BIVM: variants seen among roughly 807,000 people sequenced by gnomAD.
BIVM encodes the protein basic, immunoglobulin-like variable motif containing.
A neutral mutation model predicts 61.4 loss-of-function variants in BIVM; 31 were observed. The ratio of observed to expected loss-of-function variants is 0.51; its 90% CI spans 0.38 to 0.68. The LOEUF (loss-of-function observed/expected upper bound fraction) is 0.68. Among genes scored for constraint, BIVM ranks in the 30% least tolerant of loss-of-function variants. The probability of loss-of-function intolerance (pLI) is 0.00; values close to 1 mark genes in which losing one functional copy is unlikely to be tolerated. For missense variants in BIVM, 526 were observed against 596.0 expected (o/e 0.88, Z 1.22); for synonymous variants, 189 against 210.7 (o/e 0.90, Z 0.89).
intron 7 of BIVM, among the ~76,000 whole-genome samples, chr13:102,830,154 C>G (rs1428496488): frequency 1.3e-5 from 2 of 152,150 alleles, no homozygotes; most frequent in Non-Finnish European, 2.9e-5. Context: ...GCTCTTTCTC[C>G]TTTGAATTCT....
intron 3 of BIVM, among the ~76,000 whole-genome samples, chr13:102,812,355 A>G (rs1879556943): frequency 1.3e-5 from 2 of 152,128 alleles, no homozygotes; most frequent in African/African-American, 4.8e-5. Flanking sequence ...TGGTCTTTCC[A>G]GGATGGTTTC....
intron 8 of BIVM, among the ~76,000 whole-genome samples, chr13:102,833,328 T>G (rs958309535): frequency 6.4e-5 from 2 of 31,230 alleles, no homozygotes; most frequent in Non-Finnish European, 7.9e-5. Flanking sequence ...ATAGGATGGG[T>G]TTTTTTTTTT....
chr13:102,825,340 C>T (rs1273631245), intron 7 of BIVM, among the ~76,000 whole-genome samples: 1 of 152,092 alleles, frequency 6.6e-6, no homozygotes, highest in South Asian at 2.1e-4. Flanking sequence ...TTAAGTGATC[C>T]TCCTACCTCG....
intron 10 of BIVM, 54 bp from the exon 11 acceptor site, chr13:102,839,518 T>C: frequency 6.3e-7 from 1 of 1,591,878 alleles, no homozygotes; most frequent in South Asian, 1.1e-5. Flanking sequence ...GACCTACAAA[T>C]TAGTACAATT....
intron 6 of BIVM, 82 bp downstream of exon 6, chr13:102,821,929 C>T (rs1361484327): frequency 5.8e-6 from 9 of 1,542,392 alleles, no homozygotes; most frequent in South Asian, 1.2e-5. Flanking sequence ...GATAGTAAAC[C>T]ATGTATCCAG....
chr13:102,816,403 CT>C, intron 3 of BIVM, 24 bp from the exon 4 acceptor site: 1 of 1,518,082 alleles, frequency 6.6e-7, no homozygotes. Flanking sequence ...AAGCATTTTG[CT>C]TATTTTATAC....
At position 102,807,499 on chromosome 13, in the gene BIVM, C is replaced by A. The variant is rs1187440345; in HGVS notation, c.232C>A (p.Gln78Lys). The A allele has an allele frequency of 1.2e-6, 2 of 1,614,204 alleles. No individual in the cohort carries two copies. The change falls in exon 3 of 11, where the codon CAG (glutamine) becomes AAG (lysine). Residue 78 changes from glutamine (Q) to lysine (K), a missense_variant. Around this residue, in one of 3 missense-constraint regions of BIVM, gnomAD observed 312 missense variants for 343.8 expected, o/e 0.91. Transcript: ENST00000257336. This position sits in a 1 kb window ranked among gnomAD's most constrained non-coding sequence, Gnocchi z 4.0. The stretch of plus-strand genomic sequence containing the variant: ...CTGTTCGGACTATGCCTTTCTCAAC[C>A]AGGCGACCTCAATCTATAAAACTCC... ...AICSDYAFLNQATSIYKTPNP... is the reference protein window; with the variant it reads ...AICSDYAFLNKATSIYKTPNP...
At chr13:102,829,357 T>C (rs1445425382) in intron 7 of BIVM, among the ~76,000 whole-genome samples, 1 of 152,168 alleles carries the variant, frequency 6.6e-6, no homozygotes, top group Non-Finnish European at 1.5e-5. Context: ...TTTTTCTCCT[T>C]TCTCTATGCC....
At chr13:102,816,654 A>T in intron 4 of BIVM, 100 bp downstream of exon 4, 1 of 1,066,096 alleles carries the variant, frequency 9.4e-7, no homozygotes, top group South Asian at 3.3e-5. Context: ...TGTATCATAA[A>T]TATTTTTATT....
intron 7 of BIVM, among the ~76,000 whole-genome samples, chr13:102,827,846 T>A (rs1880782950): frequency 6.6e-6 from 1 of 152,204 alleles, no homozygotes; most frequent in African/African-American, 2.4e-5. Flanking sequence ...GTGGTTCATG[T>A]GTAAAGCAGA....
At chr13:102,819,197 G>C (rs1244134600) in intron 4 of BIVM, among the ~76,000 whole-genome samples, 1 of 152,146 alleles carries the variant, frequency 6.6e-6, no homozygotes, top group African/African-American at 2.4e-5. Flanking sequence ...TTAGTAAATT[G>C]CTCATGTTTC....
At chr13:102,806,766 C>T (rs186610743) in intron 2 of BIVM, among the ~76,000 whole-genome samples, 9 of 151,886 alleles carry the variant, frequency 5.9e-5, no homozygotes, top group East Asian at 2.0e-4. Context: ...CAAAATTAGC[C>T]GGGCGTGGTG....
chr13:102,805,011 T>C (rs774033204), intron 1 of BIVM, among the ~76,000 whole-genome samples: 1 of 152,246 alleles, frequency 6.6e-6, no homozygotes, highest in Non-Finnish European at 1.5e-5. Context: ...GTTTTGATAC[T>C]ATTTTTGGTA....
In BIVM at chr13:102,822,057, A is replaced by C. The variant is rs1406289952; in HGVS notation, c.807-8A>C. The C allele has an allele frequency of 1.9e-6, 3 of 1,612,542 alleles. No individual in the cohort carries two copies. The highest frequency in any genetic ancestry group is 2.5e-6 in the Non-Finnish European group (3 of 1,179,518). ...GTTGCCATGAACAAATCTTCTTGTT[A>C]CTTTCAGGTGGTTTAGACAAATTAA... On this transcript the variant is annotated splice_region_variant and splice_polypyrimidine_tract_variant and intron_variant, in intron 6 of 10. Coordinates refer to ENST00000257336, the MANE Select transcript of BIVM (RefSeq NM_017693.4).
chr13:102,836,063 A>C (rs1278358416), intron 9 of BIVM, among the ~76,000 whole-genome samples: 2 of 152,212 alleles, frequency 1.3e-5, no homozygotes, highest in Admixed American at 1.3e-4. Context: ...GACACCTAGG[A>C]CTAGAATTGC....
chr13:102,822,665 A>G (rs1880377793), intron 7 of BIVM, among the ~76,000 whole-genome samples: 1 of 152,268 alleles, frequency 6.6e-6, no homozygotes, highest in African/African-American at 2.4e-5. Flanking sequence ...AGAAATATTA[A>G]TGGAGTTGAT....
chr13:102,801,826 C>T (rs984832659), intron 1 of BIVM: 9 of 152,208 alleles, frequency 5.9e-5, no homozygotes, highest in African/African-American at 1.7e-4. Flanking sequence ...GAGTCTGTAC[C>T]GGGTCACCTG....
In BIVM at chr13:102,839,707, G is replaced by A. The variant is rs564024597; in HGVS notation, c.1354G>A (p.Glu452Lys). 5.6e-6 allele frequency: 9 copies of A among 1,614,188 alleles called. No individual in the cohort carries two copies. In the Admixed American group the frequency reaches 6.7e-5, roughly 12 times the overall value. ...PTHAQGIAKS[E>K]SEDNISKKQH... is the part of the protein sequence containing the mutation. ...ACATGCCCAGGGAATTGCCAAATCT[G>A]AGAGTGAAGACAATATTTCCAAGAA... Residue 452 changes from glutamate to lysine, a missense_variant, in exon 11 of 11, where the codon GAG becomes AAG. Glu to Lys is a moderately conservative substitution (Grantham distance 56). Transcript: ENST00000257336.
At position 102,818,266 on chromosome 13, in the gene BIVM, A is replaced by T. The variant is rs1346310933; in HGVS notation, c.605+1712A>T. Among the ~76,000 whole-genome samples, 4 of 152,138 alleles carry T rather than the reference A, an allele frequency of 2.6e-5. No individual in the cohort carries two copies. The East Asian group carries it at 7.7e-4, about 29-fold the overall frequency. ...GTGTCACATGGCTAATAAGTAGAAG[A>T]TCTTGTATTGAAGCTGAAGAGTCAG... On this transcript the variant is annotated intron_variant, in intron 4 of 10. Transcript: ENST00000257336.
Sources: allele counts gnomAD v4.1 joint callset (sites outside exome capture counted in the v4.1 genomes callset), GRCh38; gene constraint gnomAD v4.1.1; regional missense constraint gnomAD v4.1.1; non-coding constraint Gnocchi (gnomAD v3.1); transcripts MANE v1.5; gene names NCBI Gene and HGNC (gene_info 2026-07-23, HGNC 2026-07-21).